Variants in AGO1 observed in about 807,000 individuals in gnomAD.
AGO1 encodes argonaute RISC component 1.
A neutral mutation model predicts 109.2 loss-of-function variants in AGO1; 11 were observed. The ratio of observed to expected loss-of-function variants is 0.10; its 90% confidence interval spans 0.06 to 0.17. The LOEUF (loss-of-function observed/expected upper bound fraction) is 0.17. Ranked by LOEUF, AGO1 falls within the 10% of genes least tolerant of loss-of-function variation. AGO1 has a pLI of 1.00. For synonymous variants in AGO1, 422 were observed against 418.6 expected (o/e 1.01, Z -0.10); for missense variants, 574 against 1,140.3 (o/e 0.50, Z 7.15).
chr1:35,882,616 G>A (rs554102091), upstream of AGO1, among the ~76,000 whole-genome samples: 1 of 152,216 alleles, frequency 6.6e-6, no homozygotes, highest in African/African-American at 2.4e-5. This position sits in a 1 kb window ranked among gnomAD's most constrained non-coding sequence, Gnocchi z 5.1. Flanking sequence ...TCCCAGGTCC[G>A]GCGGATAGAG....
At chr1:35,900,940 C>A (rs943492831) in intron 8 of AGO1, among the ~76,000 whole-genome samples, 5 of 151,358 alleles carry the variant, frequency 3.3e-5, no homozygotes, top group African/African-American at 1.2e-4. Context: ...AATATGAGAC[C>A]TGAGCCCAGA....
At position 35,888,041 on chromosome 1, in the gene AGO1, C is replaced by A. The variant is rs1645148948; in HGVS notation, c.26-386C>A. On this transcript the variant is annotated intron_variant, in intron 1 of 18. Coordinates refer to ENST00000373204, the MANE Select transcript of AGO1 (RefSeq NM_012199.5). This position sits in a 1 kb window ranked among gnomAD's most constrained non-coding sequence, Gnocchi z 4.1. ...GCGAATGGAGTGAGCATCTGGCTGGCAGAGAATAGAAATTCTTGGTCTGCT... is the reference window on the plus strand; with the variant it reads ...GCGAATGGAGTGAGCATCTGGCTGGAAGAGAATAGAAATTCTTGGTCTGCT... 6.6e-6 allele frequency among the ~76,000 whole-genome samples: 1 copy of A among 152,154 alleles called. No homozygotes were observed. The highest frequency in any genetic ancestry group is 2.4e-5 in the African/African-American group (1 of 41,436).
At chr1:35,894,431 T>G (rs756633090) in intron 7 of AGO1, 29 bp downstream of exon 7, 1 of 1,608,746 alleles carries the variant, frequency 6.2e-7, no homozygotes, top group East Asian at 2.2e-5. Context: ...TGAGTCATAC[T>G]TTGTTGGTGG....
At position 35,929,925 on chromosome 1, in the gene AGO1, G is replaced by A. The variant is rs1258131628; in HGVS notation, c.*10318G>A. On this transcript the variant is annotated 3_prime_UTR_variant, in exon 19 of 19. Transcript: ENST00000373204. ...GAAAATTGAAGCCCAGAGAGATCAA[G>A]TGACTGATCCAAAGTCCCACAGTGA... 6.6e-6 allele frequency: 1 copy of A among 152,138 alleles called. No homozygotes were observed. The highest frequency in any genetic ancestry group is 1.5e-5 in the Non-Finnish European group (1 of 68,030). The allele number at this position is 152,138 out of a possible 1,614,324, so 9.4% of individuals were successfully genotyped here. A position where few individuals can be genotyped will look rare whatever the true frequency, so the allele number is the denominator to read the frequency against.
chr1:35,889,197 T>G (rs1264120567), intron 2 of AGO1, among the ~76,000 whole-genome samples: 1 of 151,424 alleles, frequency 6.6e-6, no homozygotes, highest in Non-Finnish European at 1.5e-5. Flanking sequence ...TTTTTTTTTT[T>G]TTTTTTGAGA....
In AGO1 at chr1:35,919,626, T is replaced by A. The variant is rs1325491422; in HGVS notation, c.*19T>A. On this transcript the variant is annotated 3_prime_UTR_variant, in exon 19 of 19. Coordinates refer to ENST00000373204, the MANE Select transcript of AGO1 (RefSeq NM_012199.5). This position sits in a 1 kb window ranked among gnomAD's most constrained non-coding sequence, Gnocchi z 6.6. The stretch of plus-strand genomic sequence containing the variant: ...CGCTTGAAGGCAGAACGCTGTTACC[T>A]CACTGGATAGAAGAAAGCTTTCCAA... 1.2e-6 allele frequency: 2 copies of A among 1,605,262 alleles called. No homozygotes were observed. The highest frequency in any genetic ancestry group is 4.5e-5 in the East Asian group (2 of 44,698).
rs1645833247 is a variant in AGO1, at chr1:35,921,485, AGCCTGGGCTT to A, written c.*1880_*1889del. The A allele has an allele frequency of 6.6e-6, 1 of 152,182 alleles. No individual in the cohort carries two copies. 9.4% of individuals were successfully genotyped at this position (152,182 alleles called of 1,614,324 possible). A position where few individuals can be genotyped will look rare whatever the true frequency, so the allele number is the denominator to read the frequency against. ...TCAGTGTGGAATTTCCTCTTTGAGGAGCCTGGGCTTGGATCTATCCTGATCTGGTGATGAA... is the reference window on the plus strand; with the variant it reads ...TCAGTGTGGAATTTCCTCTTTGAGGAGGATCTATCCTGATCTGGTGATGAA... On this transcript the variant is annotated 3_prime_UTR_variant, in exon 19 of 19. Coordinates refer to ENST00000373204, the MANE Select transcript of AGO1 (RefSeq NM_012199.5).
At chr1:35,879,039 T>G (rs1645014175), upstream of AGO1, among the ~76,000 whole-genome samples, 1 of 152,156 alleles carries the variant, frequency 6.6e-6, no homozygotes, top group Non-Finnish European at 1.5e-5. Flanking sequence ...GCAGAGGCCC[T>G]TAGGTGTGAG....
chr1:35,918,689 G>A (rs1480795761), intron 17 of AGO1, among the ~76,000 whole-genome samples: 2 of 152,134 alleles, frequency 1.3e-5, no homozygotes, highest in Non-Finnish European at 2.9e-5. Flanking sequence ...CCAAGTAGCT[G>A]GGATTACAAG....
intron 12 of AGO1, among the ~76,000 whole-genome samples, chr1:35,907,476 G>A (rs957275483): frequency 5.3e-5 from 8 of 152,046 alleles, no homozygotes; most frequent in Non-Finnish European, 1.0e-4. Context: ...GCACAACCAA[G>A]CAGAATAGGT....
intron 15 of AGO1, among the ~76,000 whole-genome samples, chr1:35,916,404 C>T (rs1645736450): frequency 6.6e-6 from 1 of 152,058 alleles, no homozygotes; most frequent in Non-Finnish European, 1.5e-5. Flanking sequence ...GAGTCTCGCT[C>T]TTGCCCAGGG....
chr1:35,892,676 G>A lies in AGO1; in HGVS notation c.329G>A (p.Arg110Gln). 1.2e-6 allele frequency: 2 copies of A among 1,614,218 alleles called. No individual in the cohort carries two copies. Among genetic ancestry groups the A allele is most frequent in the Non-Finnish European group, 8.5e-7 (1 of 1,180,034 alleles). Residue 110 changes from arginine (R) to glutamine (Q), a missense_variant and splice_region_variant, in exon 3 of 19, where the codon CGG (arginine) becomes CAG (glutamine). Arg to Gln is a conservative substitution (Grantham distance 43). Coordinates refer to ENST00000373204, the MANE Select transcript of AGO1 (RefSeq NM_012199.5). ...TVTALPIGNERVDFEVTIPGE... is the reference protein window; with the variant it reads ...TVTALPIGNEQVDFEVTIPGE... ...ACAGCACTGCCCATTGGCAACGAAC[G>A]GGTAAGGTTGGGAGTCAGGCTAGGC...
upstream of AGO1, among the ~76,000 whole-genome samples, chr1:35,881,384 G>T (rs1039904861): frequency 6.6e-6 from 1 of 152,176 alleles, no homozygotes; most frequent in South Asian, 2.1e-4. Context: ...ACAATGGCGT[G>T]ATCTCAGCTC....
intron 1 of AGO1, among the ~76,000 whole-genome samples, chr1:35,886,723 T>C (rs1233455988): frequency 6.6e-6 from 1 of 152,150 alleles, no homozygotes; most frequent in Non-Finnish European, 1.5e-5. Context: ...TTCTGGGCAA[T>C]TGCAGGTGTT....
At position 35,871,695 on chromosome 1, in the gene AGO1, A is replaced by G. The variant is rs1644952452; in HGVS notation, c.-201+1792A>G. Among the ~76,000 whole-genome samples the G allele has an allele frequency of 2.0e-5, 3 of 152,092 alleles. No individual in the cohort carries two copies. In the South Asian group the frequency reaches 6.2e-4, roughly 32 times the overall value. On this transcript the variant is annotated intron_variant, in intron 1 of 18. Coordinates refer to the AGO1 transcript ENST00000373206. ...CAAGACCAGCCTGGGCAACATAGTA[A>G]GACTCCATCTCTATAAATAAATAAT...
intron 1 of AGO1, among the ~76,000 whole-genome samples, chr1:35,877,426 C>T (rs188658809): frequency 3.3e-5 from 5 of 152,242 alleles, no homozygotes; most frequent in African/African-American, 7.2e-5. Flanking sequence ...CCTGCTCATC[C>T]TCACAGGCCT....
chr1:35,894,260 G>A, intron 6 of AGO1, 55 bp from the exon 7 acceptor site: 4 of 1,608,354 alleles, frequency 2.5e-6, no homozygotes, highest in Admixed American at 1.7e-5. Context: ...GAGAGACCAA[G>A]CCTGGGCACA....
At chr1:35,890,437 A>G (rs1301305801) in intron 2 of AGO1, among the ~76,000 whole-genome samples, 3 of 152,194 alleles carry the variant, frequency 2.0e-5, no homozygotes, top group African/African-American at 4.8e-5. Flanking sequence ...ACATTGTTCT[A>G]TACTTTGCAT....
Position 35,924,449 on chromosome 1 carries a change from G to T in AGO1, c.*4842G>T, listed in dbSNP as rs1219290317. The T allele has an allele frequency of 6.6e-6, 1 of 152,190 alleles. No homozygotes were observed. Among genetic ancestry groups the T allele is most frequent in the African/African-American group, 2.4e-5 (1 of 41,422 alleles). 9.4% of individuals were successfully genotyped at this position (152,190 alleles called of 1,614,324 possible). A position where few individuals can be genotyped will look rare whatever the true frequency, so the allele number is the denominator to read the frequency against. On this transcript the variant is annotated 3_prime_UTR_variant, in exon 19 of 19. Transcript: ENST00000373204. ...CATTTATTCTTCATTCAACAAACAT[G>T]CAAAGCACTGTGCCAGCAGTATTGT...
Sources: allele counts gnomAD v4.1 joint callset (sites outside exome capture counted in the v4.1 genomes callset), GRCh38; gene constraint gnomAD v4.1.1; non-coding constraint Gnocchi (gnomAD v3.1); transcripts MANE v1.5; gene names NCBI Gene and HGNC (gene_info 2026-07-23, HGNC 2026-07-21).